The following ATXN7L1 variants were observed in gnomAD, a reference collection of about 807,000 sequenced individuals.
ATXN7L1 encodes ataxin-7-like protein 1.
ATXN7L1 carries 15 observed loss-of-function variants against 70.8 expected under a neutral mutation model. That is an observed-to-expected ratio of 0.21 (90% confidence interval 0.14 to 0.33). The LOEUF is 0.33. Ranked by LOEUF, ATXN7L1 falls within the 10% of genes least tolerant of loss-of-function variation. ATXN7L1 has a pLI of 1.00. For missense variants in ATXN7L1, 975 were observed against 1,097.1 expected (o/e 0.89, Z 1.57); for synonymous variants, 440 against 445.1 (o/e 0.99, Z 0.14).
chr7:105,687,817 C>T (rs977734948), intron 3 of ATXN7L1, among the ~76,000 whole-genome samples: 1 of 152,162 alleles, frequency 6.6e-6, no homozygotes, highest in African/African-American at 2.4e-5. Flanking sequence ...TGTGGCCTGG[C>T]TTCAGCTACC....
chr7:105,795,940 T>A (rs1805925663), intron 2 of ATXN7L1, among the ~76,000 whole-genome samples: 1 of 152,274 alleles, frequency 6.6e-6, no homozygotes, highest in Non-Finnish European at 1.5e-5. Flanking sequence ...TAATTTTATA[T>A]AATTTAAACA....
chr7:105,749,436 C>T (rs529944452), intron 3 of ATXN7L1, among the ~76,000 whole-genome samples: 13 of 151,684 alleles, frequency 8.6e-5, no homozygotes, highest in Non-Finnish European at 1.8e-4. Context: ...TTCTAGTCTT[C>T]GGAGTTGTCA....
intron 3 of ATXN7L1, among the ~76,000 whole-genome samples, chr7:105,783,061 A>G (rs1419339973): frequency 1.3e-5 from 2 of 152,216 alleles, no homozygotes; most frequent in African/African-American, 4.8e-5. Context: ...TCTTCACAGG[A>G]ACTCTGCAAA....
intron 3 of ATXN7L1, among the ~76,000 whole-genome samples, chr7:105,737,899 G>A (rs1442078429): frequency 3.9e-5 from 6 of 152,272 alleles, no homozygotes; most frequent in African/African-American, 1.2e-4. Context: ...GGGGCCATGA[G>A]TTCCAATGTC....
intron 3 of ATXN7L1, among the ~76,000 whole-genome samples, chr7:105,724,429 C>T (rs570010184): frequency 2.6e-4 from 40 of 151,942 alleles, no homozygotes; most frequent in African/African-American, 9.4e-4. Flanking sequence ...CAAAAATTAG[C>T]TGGGTGTGGT....
chr7:105,846,856 T>C (rs527535478), intron 2 of ATXN7L1, among the ~76,000 whole-genome samples: 8 of 152,248 alleles, frequency 5.3e-5, no homozygotes, highest in African/African-American at 1.9e-4. Context: ...AAGCCACACA[T>C]AAAAGGCCAC....
At chr7:105,875,257 T>A (rs922072446) in intron 2 of ATXN7L1, 1 of 154,136 alleles carries the variant, frequency 6.5e-6, no homozygotes, top group Non-Finnish European at 1.4e-5. Flanking sequence ...AGATGATGAC[T>A]GCTGAGGGGC....
At chr7:105,764,065 G>T (rs1024798267) in intron 3 of ATXN7L1, among the ~76,000 whole-genome samples, 17 of 151,884 alleles carry the variant, frequency 1.1e-4, no homozygotes, top group African/African-American at 4.1e-4. Flanking sequence ...TGTTGGCCAG[G>T]CTGGTCTTGA....
chr7:105,755,385 C>T (rs17152021), intron 3 of ATXN7L1, among the ~76,000 whole-genome samples: 41,238 of 151,986 alleles, frequency 0.27, 6,527 homozygotes, highest in African/African-American at 0.44. Flanking sequence ...TCTCTGTGCT[C>T]TTTAAACATT....
chr7:105,730,203 T>C (rs1425275313), intron 3 of ATXN7L1, among the ~76,000 whole-genome samples: 6 of 152,128 alleles, frequency 3.9e-5, no homozygotes, highest in Non-Finnish European at 8.8e-5. Flanking sequence ...AAGGTCAACA[T>C]TAACAGTGAT....
chr7:105,838,555 T>G (rs1475227090), intron 2 of ATXN7L1, among the ~76,000 whole-genome samples: 1 of 152,160 alleles, frequency 6.6e-6, no homozygotes, highest in Non-Finnish European at 1.5e-5. Context: ...ATCGGTTAGA[T>G]TCTGTGAAAT....
At chr7:105,610,949 T>C (rs922737266) in intron 10 of ATXN7L1, among the ~76,000 whole-genome samples, 7 of 152,222 alleles carry the variant, frequency 4.6e-5, no homozygotes. Context: ...TGGGCTTTTC[T>C]ACCTGTGGCC....
chr7:105,738,153 G>A (rs775664754), intron 3 of ATXN7L1, among the ~76,000 whole-genome samples: 49 of 152,296 alleles, frequency 3.2e-4, no homozygotes, highest in Admixed American at 5.2e-4. Context: ...CTTCCAGGAC[G>A]GCTCTCTGTC....
intron 4 of ATXN7L1, among the ~76,000 whole-genome samples, chr7:105,655,561 G>A (rs577765282): frequency 1.3e-5 from 2 of 152,200 alleles, no homozygotes; most frequent in East Asian, 1.9e-4. Context: ...TGCAGTGTCT[G>A]CGGCTCCTTG....
rs542297283 is a variant in ATXN7L1, at chr7:105,695,616, TATATC to T, written c.356-30333_356-30329del. ...TGACAGCTGTACATTATGAAGCTTG[TATATC>T]CACGGTGCACCACTGCACATGTAGA... On this transcript the variant is annotated intron_variant, in intron 3 of 11. Transcript: ENST00000419735. 2.0e-5 allele frequency among the ~76,000 whole-genome samples: 3 copies of T among 152,360 alleles called. No homozygotes were observed. The South Asian group carries it at 6.2e-4, about 32-fold the overall frequency.
intron 2 of ATXN7L1, among the ~76,000 whole-genome samples, chr7:105,797,118 C>G (rs540613271): frequency 8.5e-4 from 129 of 152,306 alleles, no homozygotes; most frequent in African/African-American, 2.9e-3. Flanking sequence ...GGGGAGTGAG[C>G]GTGCGGGTGC....
rs1554490208 is a variant in ATXN7L1, at chr7:105,875,627, A to ACCAC, written c.250+184_250+185insGTGG. Among the ~76,000 whole-genome samples the ACCAC allele has an allele frequency of 5.3e-5, 5 of 94,810 alleles. No individual in the cohort carries two copies. In the South Asian group the frequency reaches 2.7e-3, roughly 52 times the overall value. 62.2% of individuals were successfully genotyped at this position (94,810 alleles called of 152,430 possible). On this transcript the variant is annotated intron_variant, in intron 2 of 11. Transcript: ENST00000419735. ...GCCTTCAACAGTCTCACCCCCCTTT[A>ACCAC]CCCCCCCCCCAGTTGTATTTATACT...
At chr7:105,848,897 T>A (rs930050051) in intron 2 of ATXN7L1, among the ~76,000 whole-genome samples, 9 of 152,010 alleles carry the variant, frequency 5.9e-5, no homozygotes, top group Non-Finnish European at 1.3e-4. Context: ...CAGGGCTGGG[T>A]CACTGCTTTC....
intron 2 of ATXN7L1, among the ~76,000 whole-genome samples, chr7:105,864,484 G>T (rs62482806): frequency 1.7e-5 from 2 of 117,690 alleles, no homozygotes; most frequent in African/African-American, 3.1e-5. Flanking sequence ...AAAAAAAAAG[G>T]ACATTCCTGG....
Sources: allele counts gnomAD v4.1 joint callset (sites outside exome capture counted in the v4.1 genomes callset), GRCh38; gene constraint gnomAD v4.1.1; transcripts MANE v1.5; gene names NCBI Gene and HGNC (gene_info 2026-07-23, HGNC 2026-07-21).